Variants in ARID1B observed in about 807,000 individuals in gnomAD.
ARID1B encodes AT-rich interactive domain-containing protein 1B.
In ARID1B, 30 loss-of-function variants were observed where a neutral mutation model predicts 212.3. That is an observed-to-expected ratio of 0.14 (90% CI 0.11 to 0.19). The LOEUF (loss-of-function observed/expected upper bound fraction) is 0.19. Ranked by LOEUF, ARID1B falls within the 10% of genes least tolerant of loss-of-function variation. The pLI, the probability that ARID1B is intolerant of heterozygous loss-of-function variation, is 1.00. For missense variants in ARID1B, 2,891 were observed against 3,204.0 expected, an observed-to-expected ratio of 0.90 and a Z score of 2.36; for synonymous variants, 1,402 against 1,301.7, an observed-to-expected ratio of 1.08 and a Z score of -1.66.
chr6:156,904,416 T>G (rs374976833), intron 3 of ARID1B, among the ~76,000 whole-genome samples: 2 of 152,248 alleles, frequency 1.3e-5, no homozygotes, highest in Non-Finnish European at 1.5e-5. Flanking sequence ...TAGTTCTGGT[T>G]ATTTGAATTG....
intron 4 of ARID1B, among the ~76,000 whole-genome samples, chr6:156,978,602 T>G (rs1426436772): frequency 6.6e-6 from 1 of 152,234 alleles, no homozygotes; most frequent in Non-Finnish European, 1.5e-5. Context: ...TTTGTTCTTG[T>G]GTGATATAAA....
chr6:156,942,655 G>T (rs1044037413), intron 4 of ARID1B: 7 of 151,782 alleles, frequency 4.6e-5, no homozygotes, highest in Admixed American at 4.6e-4. Context: ...ATGTTCTGAG[G>T]TCCCTCTTCT....
At chr6:157,003,298 A>G (rs57413332) in intron 4 of ARID1B, among the ~76,000 whole-genome samples, 2,665 of 152,318 alleles carry the variant, frequency 0.017, 80 homozygotes, top group African/African-American at 0.057. Flanking sequence ...GTGTATGGAC[A>G]ACACAGCCAT....
intron 2 of ARID1B, among the ~76,000 whole-genome samples, chr6:156,833,429 A>C (rs187387899): frequency 1.3e-5 from 2 of 152,278 alleles, no homozygotes; most frequent in African/African-American, 4.8e-5. Context: ...GATTTCAATT[A>C]TGTAGACTGA....
intron 4 of ARID1B, among the ~76,000 whole-genome samples, chr6:157,078,402 G>A (rs566213396): frequency 2.2e-4 from 33 of 152,116 alleles, no homozygotes; most frequent in African/African-American, 7.0e-4. Context: ...ATACATTTTC[G>A]TACCAAATTA....
intron 1 of ARID1B, among the ~76,000 whole-genome samples, chr6:156,802,147 A>G (rs1780837250): frequency 6.6e-6 from 1 of 152,240 alleles, no homozygotes; most frequent in Non-Finnish European, 1.5e-5. Context: ...ACCTCCATCT[A>G]TGTCAGAAAA....
intron 4 of ARID1B, among the ~76,000 whole-genome samples, chr6:157,039,654 C>CTTCT (rs1781620480): frequency 1.6e-5 from 1 of 63,648 alleles, no homozygotes; most frequent in African/African-American, 1.0e-4. Flanking sequence ...TCTTTCCTTC[C>CTTCT]TTCCTTCCTT....
chr6:157,065,355 A>T (rs371160208), intron 4 of ARID1B, among the ~76,000 whole-genome samples: 1 of 152,248 alleles, frequency 6.6e-6, no homozygotes, highest in Non-Finnish European at 1.5e-5. Flanking sequence ...TAATCGGGAT[A>T]TATCATTCCA....
intron 5 of ARID1B, among the ~76,000 whole-genome samples, chr6:157,096,106 C>A (rs34497417): frequency 0.14 from 21,003 of 152,156 alleles, 1,784 homozygotes; most frequent in Non-Finnish European, 0.2. Flanking sequence ...GCAAACTCCT[C>A]CTTACCCTTC....
chr6:157,052,865 A>T (rs1290296903), intron 4 of ARID1B, among the ~76,000 whole-genome samples: 1 of 146,630 alleles, frequency 6.8e-6, no homozygotes, highest in Admixed American at 6.8e-5. Context: ...GATTACAGGC[A>T]CATGCCACCA....
intron 4 of ARID1B, among the ~76,000 whole-genome samples, chr6:156,965,849 A>G (rs921524247): frequency 6.6e-6 from 1 of 152,220 alleles, no homozygotes; most frequent in African/African-American, 2.4e-5. Flanking sequence ...TTAATCATTA[A>G]TAAATTCTGA....
chr6:157,116,796 C>T (rs1452641841), intron 6 of ARID1B, among the ~76,000 whole-genome samples: 5 of 152,066 alleles, frequency 3.3e-5, no homozygotes. Flanking sequence ...CACTTTCCAA[C>T]CTACACAAGG....
intron 1 of ARID1B, among the ~76,000 whole-genome samples, chr6:156,805,344 G>A (rs1188528270): frequency 6.6e-6 from 1 of 152,186 alleles, no homozygotes; most frequent in East Asian, 1.9e-4. Flanking sequence ...TGAATCCCCA[G>A]TTCTGCCACT....
intron 2 of ARID1B, among the ~76,000 whole-genome samples, chr6:156,842,221 C>T (rs954518677): frequency 2.6e-5 from 4 of 152,214 alleles, no homozygotes; most frequent in Non-Finnish European, 4.4e-5. Flanking sequence ...CTAGTTCCAA[C>T]ATTTTCACCA....
At chr6:157,122,301 A>G (rs546697870) in intron 6 of ARID1B, among the ~76,000 whole-genome samples, 13 of 152,320 alleles carry the variant, frequency 8.5e-5, no homozygotes, top group Admixed American at 2.0e-4. Context: ...GATTATTGGA[A>G]TAGGAATTTT....
At chr6:157,116,252 C>T (rs192799008) in intron 6 of ARID1B, among the ~76,000 whole-genome samples, 1 of 152,106 alleles carries the variant, frequency 6.6e-6, no homozygotes, top group Admixed American at 6.5e-5. Flanking sequence ...AACAAATGCC[C>T]TTCTAGTTTA....
rs371660683 is a variant in ARID1B at position 156,915,996 on chromosome 6, T to C, written c.2136+14471T>C. Among the ~76,000 whole-genome samples, 103 of 148,716 alleles carry C rather than the reference T, an allele frequency of 6.9e-4. No individual in the cohort carries two copies. In the South Asian group the frequency reaches 0.01, roughly 15 times the overall value. On this transcript the variant is annotated intron_variant, in intron 3 of 19. Coordinates refer to ENST00000636930, the MANE Select transcript of ARID1B (RefSeq NM_001374828.1). Reference sequence around the variant, plus strand: ...CCCCCCCAGCTCACTTTCCTACATTTTAATATATATTTTCCAGTGGTTCTT... The same window carrying C: ...CCCCCCCAGCTCACTTTCCTACATTCTAATATATATTTTCCAGTGGTTCTT...
At chr6:156,881,811 A>G (rs1028188043) in intron 2 of ARID1B, among the ~76,000 whole-genome samples, 1 of 152,190 alleles carries the variant, frequency 6.6e-6, no homozygotes, top group African/African-American at 2.4e-5. Flanking sequence ...ATTTGGGTTA[A>G]TAAGGCGAAG....
chr6:156,975,206 A>G (rs115563408), intron 4 of ARID1B, among the ~76,000 whole-genome samples: 2,444 of 152,280 alleles, frequency 0.016, 65 homozygotes, highest in African/African-American at 0.056. Context: ...ATTTTTGTGG[A>G]TGTGACTGGG....
Sources: gnomAD v4.1 joint callset for allele counts (sites outside exome capture counted in the v4.1 genomes callset) on GRCh38, gnomAD v4.1.1 for gene constraint, MANE v1.5 for transcripts, NCBI Gene and HGNC (gene_info 2026-07-23, HGNC 2026-07-21) for gene names.